Variants in FSIP1 observed in about 807,000 individuals in gnomAD.
FSIP1 encodes the protein fibrous sheath-interacting protein 1.
FSIP1 carries 65 observed loss-of-function variants against 60.9 expected under a neutral mutation model. The ratio of observed to expected loss-of-function variants is 1.07; its 90% confidence interval spans 0.87 to 1.31. The LOEUF is 1.31. Among genes scored for constraint, FSIP1 ranks in the 40% most tolerant of loss-of-function variants. The pLI, the probability that FSIP1 is intolerant of heterozygous loss-of-function variation, is 0.00. For missense variants in FSIP1, 675 were observed against 665.5 expected (o/e 1.01, Z -0.16); for synonymous variants, 209 against 221.2 (o/e 0.94, Z 0.49).
chr15:39,770,635 C>G, intron 2 of FSIP1, 25 bp from the exon 3 acceptor site: 1 of 1,393,568 alleles, frequency 7.2e-7, no homozygotes, highest in South Asian at 1.7e-5. Context: ...AAAAAAAAAA[C>G]AGTTTCCGAA....
intron 10 of FSIP1, among the ~76,000 whole-genome samples, chr15:39,704,017 A>C (rs1895166476): frequency 6.6e-6 from 1 of 152,190 alleles, no homozygotes; most frequent in African/African-American, 2.4e-5. Context: ...TAATTCTGAA[A>C]ATTTTATGTT....
intron 5 of FSIP1, among the ~76,000 whole-genome samples, chr15:39,743,835 AC>A (rs1896887380): frequency 6.6e-6 from 1 of 152,188 alleles, no homozygotes; most frequent in South Asian, 2.1e-4. Context: ...AAAACTCATA[AC>A]CTGAACCTAA....
At chr15:39,657,063 C>G (rs927463555) in intron 10 of FSIP1, among the ~76,000 whole-genome samples, 4 of 152,308 alleles carry the variant, frequency 2.6e-5, no homozygotes, top group Admixed American at 2.6e-4. Flanking sequence ...GCACCTGGGA[C>G]CCTTCCACAA....
chr15:39,608,975 A>G (rs375082111), intron 11 of FSIP1, among the ~76,000 whole-genome samples: 83 of 152,194 alleles, frequency 5.5e-4, no homozygotes, highest in African/African-American at 1.9e-3. Flanking sequence ...AGCACCACAC[A>G]CAGAAGATTC....
At chr15:39,719,465 A>C (rs528620976) in intron 9 of FSIP1, among the ~76,000 whole-genome samples, 1 of 152,362 alleles carries the variant, frequency 6.6e-6, no homozygotes, top group African/African-American at 2.4e-5. Context: ...TTATCCTTAG[A>C]AAAATTATCT....
intron 10 of FSIP1, among the ~76,000 whole-genome samples, chr15:39,666,374 T>C (rs1893495113): frequency 6.6e-6 from 1 of 152,234 alleles, no homozygotes; most frequent in African/African-American, 2.4e-5. Context: ...ATTCCTATTA[T>C]GATTTCAATA....
intron 10 of FSIP1, among the ~76,000 whole-genome samples, chr15:39,666,279 C>T (rs1003760884): frequency 2.0e-5 from 3 of 152,146 alleles, no homozygotes; most frequent in Non-Finnish European, 4.4e-5. Flanking sequence ...CTTGGAAAGA[C>T]TAACATTATC....
At chr15:39,718,315 C>T (rs1041873814) in intron 9 of FSIP1, among the ~76,000 whole-genome samples, 11 of 149,520 alleles carry the variant, frequency 7.4e-5, no homozygotes, top group Admixed American at 6.0e-4. Flanking sequence ...TGTGTGTGTA[C>T]ATATATATGT....
At chr15:39,698,690 G>A (rs1361882319) in intron 10 of FSIP1, among the ~76,000 whole-genome samples, 1 of 152,182 alleles carries the variant, frequency 6.6e-6, no homozygotes, top group Non-Finnish European at 1.5e-5. Context: ...AATGCTGGTG[G>A]ATGGCGTAAC....
intron 10 of FSIP1, among the ~76,000 whole-genome samples, chr15:39,693,156 G>A (rs535895892): frequency 6.6e-6 from 1 of 152,190 alleles, no homozygotes; most frequent in Admixed American, 6.5e-5. Flanking sequence ...GTTATTACTA[G>A]TCGGGAATTT....
intron 2 of FSIP1, among the ~76,000 whole-genome samples, chr15:39,775,872 C>G (rs1022029014): frequency 1.3e-5 from 2 of 152,092 alleles, no homozygotes; most frequent in Admixed American, 1.3e-4. Context: ...TCAGGTAGTT[C>G]TTTTATAGCA....
intron 11 of FSIP1, among the ~76,000 whole-genome samples, chr15:39,607,251 G>A (rs576269628): frequency 6.6e-6 from 1 of 152,302 alleles, no homozygotes; most frequent in East Asian, 1.9e-4. Context: ...GGTCTCCACA[G>A]ATGATGCCTG....
At chr15:39,733,824 C>T (rs1000619071) in intron 8 of FSIP1, among the ~76,000 whole-genome samples, 11 of 152,064 alleles carry the variant, frequency 7.2e-5, no homozygotes, top group African/African-American at 2.2e-4. Context: ...AGACAAAATC[C>T]GCATAGGAAT....
At chr15:39,736,066 G>C (rs746808739) in intron 8 of FSIP1, among the ~76,000 whole-genome samples, 1 of 152,148 alleles carries the variant, frequency 6.6e-6, no homozygotes, top group Non-Finnish European at 1.5e-5. Flanking sequence ...TAAGTACAAG[G>C]AGCACACTCT....
intron 10 of FSIP1, among the ~76,000 whole-genome samples, chr15:39,712,606 G>A (rs1025275422): frequency 6.6e-6 from 1 of 152,166 alleles, no homozygotes; most frequent in Non-Finnish European, 1.5e-5. Context: ...GGTTACTGCA[G>A]GTAATTACCG....
intron 11 of FSIP1, among the ~76,000 whole-genome samples, chr15:39,614,851 CA>C (rs1375847105): frequency 5.9e-5 from 9 of 151,910 alleles, no homozygotes; most frequent in Admixed American, 2.6e-4. Flanking sequence ...AAATCTTGAC[CA>C]AAAAAGAAGC....
At chr15:39,693,736 T>C (rs1246958607) in intron 10 of FSIP1, among the ~76,000 whole-genome samples, 1 of 152,122 alleles carries the variant, frequency 6.6e-6, no homozygotes, top group Non-Finnish European at 1.5e-5. Flanking sequence ...TGTAATCAAA[T>C]AATAGTGATA....
At chr15:39,726,873 A>AC (rs1555395914) in intron 8 of FSIP1, 126 bp from the exon 9 acceptor site, 20 of 568,660 alleles carry the variant, frequency 3.5e-5, no homozygotes, top group Admixed American at 8.0e-5. Context: ...ACACACACAC[A>AC]ACACACACAA....
chr15:39,616,543 T>C (rs1891237563), intron 11 of FSIP1, among the ~76,000 whole-genome samples: 7 of 152,172 alleles, frequency 4.6e-5, no homozygotes, highest in Admixed American at 4.6e-4. Context: ...TGAACATTTC[T>C]GGGAAGAAGA....
Sources: gnomAD v4.1 joint callset for allele counts (sites outside exome capture counted in the v4.1 genomes callset) on GRCh38, gnomAD v4.1.1 for gene constraint, MANE v1.5 for transcripts, NCBI Gene and HGNC (gene_info 2026-07-23, HGNC 2026-07-21) for gene names.